GUCY1A1: variants seen among roughly 807,000 people sequenced by gnomAD.
GUCY1A1 encodes guanylate cyclase soluble subunit alpha-1.
In GUCY1A1, 48 loss-of-function variants were observed where a neutral mutation model predicts 64.5. That is an observed-to-expected ratio of 0.74 (90% confidence interval 0.59 to 0.95). The LOEUF (loss-of-function observed/expected upper bound fraction) is 0.95, where lower values mean the gene tolerates loss of function less well. Among genes scored for constraint, GUCY1A1 ranks in the 40% least tolerant of loss-of-function variants. The pLI is 0.00. For missense variants in GUCY1A1, 804 were observed against 825.3 expected, an observed-to-expected ratio of 0.97 and a Z score of 0.32; for synonymous variants, 308 against 303.4, an observed-to-expected ratio of 1.02 and a Z score of -0.16.
intron 3 of GUCY1A1, among the ~76,000 whole-genome samples, chr4:155,699,569 T>A (rs1730827204): frequency 6.6e-6 from 1 of 151,818 alleles, no homozygotes; most frequent in South Asian, 2.1e-4. Flanking sequence ...TAACTAAAAC[T>A]CCTCTCCAAC....
At chr4:155,713,708 C>T in intron 7 of GUCY1A1, 125 bp downstream of exon 7, 1 of 969,004 alleles carries the variant, frequency 1.0e-6, no homozygotes, top group East Asian at 2.6e-5. Flanking sequence ...AAGCCCAGTC[C>T]TGGGAGCAGG....
intron 2 of GUCY1A1, chr4:155,667,910 T>G (rs558521264): frequency 2.6e-5 from 4 of 152,490 alleles, no homozygotes; most frequent in Admixed American, 1.3e-4. Context: ...CAGGGCAACT[T>G]CACCCGGCCG....
rs1215963479 is a variant in GUCY1A1 at position 155,730,330 on chromosome 4, G to C, written c.*99G>C. ...AGGGATTGTAGATGGCTAACAAGCA[G>C]TATTAAAATTTCAGGAGCCAAGTCA... On this transcript the variant is annotated 3_prime_UTR_variant, in exon 10 of 10. Transcript: ENST00000506455. 6 of 654,928 alleles carry C rather than the reference G, an allele frequency of 9.2e-6. No individual in the cohort carries two copies. The highest frequency in any genetic ancestry group is 1.0e-5 in the Non-Finnish European group (4 of 382,406). The allele number at this position is 654,928 out of a possible 1,614,324, so 40.6% of individuals were successfully genotyped here. A position where few individuals can be genotyped will look rare whatever the true frequency, so the allele number is the denominator to read the frequency against.
rs542492500 is a variant in GUCY1A1 at position 155,736,429 on chromosome 4, G to A, written c.*6198G>A. ...GACACATGTACTGCCAGAGCTTGGG[G>A]AACTCCCTAGAATCTACTCCTAGAC... is the stretch of plus-strand genomic sequence containing the variant. On this transcript the variant is annotated 3_prime_UTR_variant, in exon 10 of 10. Coordinates refer to ENST00000506455, the MANE Select transcript of GUCY1A1 (RefSeq NM_001130682.3). 2 of 152,020 alleles carry A rather than the reference G, an allele frequency of 1.3e-5. No individual in the cohort carries two copies. Among genetic ancestry groups the A allele is most frequent in the African/African-American group, 4.8e-5 (2 of 41,490 alleles). 9.4% of individuals were successfully genotyped at this position (152,020 alleles called of 1,614,324 possible).
chr4:155,674,012 TAC>T (rs892059432), intron 2 of GUCY1A1, among the ~76,000 whole-genome samples: 3 of 151,520 alleles, frequency 2.0e-5, no homozygotes, highest in African/African-American at 7.4e-5. Flanking sequence ...CCCCATTTTA[TAC>T]ACAGTCATCT....
intron 2 of GUCY1A1, among the ~76,000 whole-genome samples, chr4:155,686,165 T>A (rs942777368): frequency 2.0e-5 from 3 of 152,014 alleles, no homozygotes; most frequent in African/African-American, 7.2e-5. Context: ...AAACTAACAT[T>A]GAGAAAGTAA....
chr4:155,719,416 A>G (rs970338310), intron 8 of GUCY1A1, among the ~76,000 whole-genome samples: 2 of 152,066 alleles, frequency 1.3e-5, no homozygotes, highest in East Asian at 1.9e-4. Flanking sequence ...AATCCTTATA[A>G]TAACACTTTA....
Position 155,722,049 on chromosome 4 carries a change from A to G in GUCY1A1, c.1728A>G (p.Gly576=). The change falls in exon 9 of 10, where the codon GGA becomes GGG. Residue 576 remains glycine, a synonymous_variant. Transcript: ENST00000506455. The stretch of plus-strand genomic sequence containing the variant: ...TTTTTTGCTTTCAGATGCGAATTGG[A>G]CTGCACTCTGGATCAGTTTTTGCTG... ...PHGEPIKMRI[G]LHSGSVFAGV... The G allele has an allele frequency of 6.2e-7, 1 of 1,612,326 alleles. No homozygotes were observed. The highest frequency in any genetic ancestry group is 1.3e-5 in the African/African-American group (1 of 74,956).
chr4:155,728,864 G>A (rs1735127978), intron 9 of GUCY1A1, among the ~76,000 whole-genome samples: 1 of 151,812 alleles, frequency 6.6e-6, no homozygotes, highest in Non-Finnish European at 1.5e-5. Flanking sequence ...ATCAGACTTT[G>A]AAGCTTATAC....
In GUCY1A1 at chr4:155,711,166, C is replaced by T. The variant is rs139274399; in HGVS notation, c.1001C>T (p.Thr334Met). The change falls in exon 6 of 10, where the codon ACG (threonine) becomes ATG (methionine). Residue 334 changes from threonine (T) to methionine (M), a missense_variant. Thr to Met is a moderately conservative substitution (Grantham distance 81). Coordinates refer to ENST00000506455, the MANE Select transcript of GUCY1A1 (RefSeq NM_001130682.3). Reference sequence around the variant, plus strand: ...ATTCTGACTCCAAAAATCAACCAGACGTTTAGCGGGATCATGACTATGTTG... The same window carrying T: ...ATTCTGACTCCAAAAATCAACCAGATGTTTAGCGGGATCATGACTATGTTG... ...FEILTPKINQTFSGIMTMLNM... is the reference protein window; with the variant it reads ...FEILTPKINQMFSGIMTMLNM... 6.2e-6 allele frequency: 10 copies of T among 1,613,640 alleles called. No homozygotes were observed. Among genetic ancestry groups the T allele is most frequent in the Middle Eastern group, 1.6e-4 (1 of 6,062 alleles).
At chr4:155,710,433 A>T in intron 5 of GUCY1A1, 109 bp from the exon 6 acceptor site, 1 of 685,870 alleles carries the variant, frequency 1.5e-6, no homozygotes, top group Non-Finnish European at 2.6e-6. Flanking sequence ...ATTAGCAGAT[A>T]TAAAGGGAGC....
At chr4:155,710,377 AG>A (rs1304259930) in intron 5 of GUCY1A1, among the ~76,000 whole-genome samples, 164 bp from the exon 6 acceptor site, 1 of 152,200 alleles carries the variant, frequency 6.6e-6, no homozygotes, top group Non-Finnish European at 1.5e-5. Context: ...AAGCTAACCT[AG>A]GTAGATAATT....
intron 2 of GUCY1A1, among the ~76,000 whole-genome samples, chr4:155,692,478 G>T (rs1353901514): frequency 1.3e-5 from 2 of 152,052 alleles, no homozygotes; most frequent in Non-Finnish European, 2.9e-5. Context: ...TTTTGACTTT[G>T]TAATAATAGC....
At chr4:155,671,850 G>A (rs961735127) in intron 2 of GUCY1A1, among the ~76,000 whole-genome samples, 2 of 151,984 alleles carry the variant, frequency 1.3e-5, no homozygotes, top group Non-Finnish European at 2.9e-5. Context: ...TTTACCATGG[G>A]TTGAGAGTCT....
chr4:155,720,393 G>A (rs2126932897), intron 8 of GUCY1A1, among the ~76,000 whole-genome samples: 1 of 151,042 alleles, frequency 6.6e-6, no homozygotes, highest in South Asian at 2.1e-4. Flanking sequence ...TGCTAAATGT[G>A]TAAATTAATA....
chr4:155,730,046 C>G lies in GUCY1A1; in HGVS notation c.1888C>G (p.Pro630Ala), dbSNP rs771968681. 5.6e-6 allele frequency: 9 copies of G among 1,602,456 alleles called. No homozygotes were observed. In the Admixed American group the frequency reaches 1.3e-4, roughly 24 times the overall value. ...PTTYRLLKDC[P>A]GFVFTPRSRE... ...TATTTTCAGATTACTCAAAGACTGT[C>G]CTGGTTTCGTGTTTACCCCTCGATC... The change falls in exon 10 of 10, where the codon CCT becomes GCT. Residue 630 changes from proline (P) to alanine (A), a missense_variant. By Grantham distance (27) the Pro-to-Ala change is conservative. Transcript: ENST00000506455.
At chr4:155,679,853 C>T (rs1735478265) in intron 2 of GUCY1A1, among the ~76,000 whole-genome samples, 1 of 152,170 alleles carries the variant, frequency 6.6e-6, no homozygotes, top group Non-Finnish European at 1.5e-5. Flanking sequence ...TATTTTCTTT[C>T]CTGATTTTAT....
At position 155,736,713 on chromosome 4, in the gene GUCY1A1, A is replaced by G. The variant is rs1736088743; in HGVS notation, c.*6482A>G. The G allele has an allele frequency of 6.6e-6, 1 of 151,956 alleles. No homozygotes were observed. The highest frequency in any genetic ancestry group is 2.4e-5 in the African/African-American group (1 of 41,396). 9.4% of individuals were successfully genotyped at this position (151,956 alleles called of 1,614,324 possible). Reference sequence around the variant, plus strand: ...AGACAAGTAGTTTTCTTTTCAGCAAATATTTAACATATCTCTCAATATATT... The same window carrying G: ...AGACAAGTAGTTTTCTTTTCAGCAAGTATTTAACATATCTCTCAATATATT... On this transcript the variant is annotated 3_prime_UTR_variant, in exon 10 of 10. Transcript: ENST00000506455.
chr4:155,730,097 C>A lies in GUCY1A1; in HGVS notation c.1939C>A (p.Pro647Thr). ...RSREELPPNF[P>T]SEIPGICHFL... ...AAGGGAGGAACTTCCACCAAACTTCCCTAGTGAAATCCCCGGAATCTGCCA... is the reference window on the plus strand; with the variant it reads ...AAGGGAGGAACTTCCACCAAACTTCACTAGTGAAATCCCCGGAATCTGCCA... Residue 647 changes from proline (P) to threonine (T), a missense_variant, in exon 10 of 10, where the codon CCT (proline) becomes ACT (threonine). Pro to Thr is a conservative substitution (Grantham distance 38). Transcript: ENST00000506455. 1 of 1,611,224 alleles carries A rather than the reference C, an allele frequency of 6.2e-7. No homozygotes were observed. The highest frequency in any genetic ancestry group is 1.1e-5 in the South Asian group (1 of 91,010).
Sources: gnomAD v4.1 joint callset for allele counts (sites outside exome capture counted in the v4.1 genomes callset) on GRCh38, gnomAD v4.1.1 for gene constraint, MANE v1.5 for transcripts, NCBI Gene and HGNC (gene_info 2026-07-23, HGNC 2026-07-21) for gene names.